Variants in WWOX observed in about 807,000 individuals in gnomAD.
The protein encoded by WWOX is WW domain containing oxidoreductase.
A neutral mutation model predicts 46.2 loss-of-function variants in WWOX; 69 were observed. The ratio of observed to expected loss-of-function variants is 1.49; its 90% CI spans 1.23 to 1.82. WWOX has a LOEUF of 1.82. Ranked by LOEUF, WWOX falls within the 40% of genes most tolerant of loss-of-function variation. The pLI is 0.00. For missense variants in WWOX, 919 were observed against 542.6 expected, an observed-to-expected ratio of 1.69 and a Z score of -6.89; for synonymous variants, 359 against 202.6, an observed-to-expected ratio of 1.77 and a Z score of -6.56.
At chr16:78,677,745 G>T (rs1024850870) in intron 8 of WWOX, among the ~76,000 whole-genome samples, 1 of 152,184 alleles carries the variant, frequency 6.6e-6, no homozygotes, top group South Asian at 2.1e-4. Context: ...CATAGGATAT[G>T]TCCAGAAAAC....
intron 5 of WWOX, among the ~76,000 whole-genome samples, chr16:78,311,304 T>G (rs1229926697): frequency 3.3e-5 from 5 of 152,138 alleles, no homozygotes; most frequent in Non-Finnish European, 7.4e-5. Flanking sequence ...ATAAACAAAT[T>G]CCTTTCTTGA....
rs181402163 is a variant in WWOX, at chr16:78,736,220, C to G, written c.1056+303468C>G. 2.2e-3 allele frequency among the ~76,000 whole-genome samples: 340 copies of G among 152,286 alleles called. 2 individuals carry two copies. The highest frequency in any genetic ancestry group is 7.7e-3 in the African/African-American group (322 of 41,574). ...GGGGGCTCTGGAATAAAAATCACAC[C>G]TCAAACTTGACCCGCTTGAGGCCAG... is the stretch of plus-strand genomic sequence containing the variant. On this transcript the variant is annotated intron_variant, in intron 8 of 8. Transcript: ENST00000566780.
rs114928863 is a variant in WWOX at position 78,609,082 on chromosome 16, C to T, written c.1056+176330C>T. Among the ~76,000 whole-genome samples the T allele has an allele frequency of 9.8e-3, 1,487 of 152,124 alleles. 26 individuals are homozygous for T. The highest frequency in any genetic ancestry group is 0.034 in the African/African-American group (1,432 of 41,512). ...TAGTTATTAAACAGTATGTCAAATACCTTTCTGTCCCACCAGATTTATTTT... is the reference window on the plus strand; with the variant it reads ...TAGTTATTAAACAGTATGTCAAATATCTTTCTGTCCCACCAGATTTATTTT... On this transcript the variant is annotated intron_variant, in intron 8 of 8. Transcript: ENST00000566780.
intron 6 of WWOX, among the ~76,000 whole-genome samples, chr16:78,409,981 G>A (rs1483189859): frequency 6.6e-6 from 1 of 152,188 alleles, no homozygotes; most frequent in African/African-American, 2.4e-5. Context: ...ATGCCATGTT[G>A]AAACATAATC....
intron 8 of WWOX, among the ~76,000 whole-genome samples, chr16:78,566,713 A>T (rs1017146241): frequency 2.6e-5 from 4 of 152,160 alleles, no homozygotes; most frequent in African/African-American, 7.2e-5. Context: ...TTTTAGTGAC[A>T]CCAAAGTGGG....
intron 8 of WWOX, among the ~76,000 whole-genome samples, chr16:79,208,455 C>A (rs1264587690): frequency 6.6e-6 from 1 of 151,952 alleles, no homozygotes; most frequent in African/African-American, 2.4e-5. Context: ...TTATTTATCA[C>A]AATGGATCAG....
At chr16:78,694,356 C>A (rs981170237) in intron 8 of WWOX, among the ~76,000 whole-genome samples, 10 of 152,180 alleles carry the variant, frequency 6.6e-5, no homozygotes, top group Non-Finnish European at 8.8e-5. Flanking sequence ...TCTGCAAATA[C>A]TTGACAAAAA....
At chr16:78,698,351 G>C (rs62036135) in intron 8 of WWOX, among the ~76,000 whole-genome samples, 12 of 151,814 alleles carry the variant, frequency 7.9e-5, no homozygotes, top group Non-Finnish European at 1.3e-4. Context: ...GGATTTTTGG[G>C]GTATCTTCCA....
intron 8 of WWOX, among the ~76,000 whole-genome samples, chr16:78,547,990 A>G (rs561872326): frequency 1.2e-4 from 19 of 152,014 alleles, no homozygotes; most frequent in Non-Finnish European, 1.9e-4. Flanking sequence ...CGTCTTTTCT[A>G]AAAACATTTT....
chr16:78,568,474 CTTTTT>C (rs200073404), intron 8 of WWOX, among the ~76,000 whole-genome samples: 2 of 133,384 alleles, frequency 1.5e-5, no homozygotes, highest in Non-Finnish European at 1.6e-5. Context: ...AAGCTTCCAA[CTTTTT>C]TTTTTTTTTT....
At chr16:78,261,354 A>G (rs905650894) in intron 5 of WWOX, among the ~76,000 whole-genome samples, 9 of 151,000 alleles carry the variant, frequency 6.0e-5, no homozygotes, top group Non-Finnish European at 1.0e-4. Flanking sequence ...ATGGTAAGCT[A>G]TGATTGCACC....
chr16:78,714,989 A>G (rs2048528254), intron 8 of WWOX, among the ~76,000 whole-genome samples: 1 of 152,174 alleles, frequency 6.6e-6, no homozygotes, highest in African/African-American at 2.4e-5. Flanking sequence ...TGCTCGGTAG[A>G]GAATGGATTG....
intron 5 of WWOX, among the ~76,000 whole-genome samples, chr16:78,188,420 G>A (rs557560013): frequency 7.9e-5 from 12 of 151,600 alleles, no homozygotes; most frequent in African/African-American, 2.7e-4. Context: ...CCCAGGAGGC[G>A]GAGATTGCAG....
chr16:79,037,138 G>A (rs922649112), intron 8 of WWOX, among the ~76,000 whole-genome samples: 1 of 152,150 alleles, frequency 6.6e-6, no homozygotes, highest in Admixed American at 6.6e-5. Context: ...TCAAGGAAGG[G>A]AGAGGAGCAC....
intron 8 of WWOX, among the ~76,000 whole-genome samples, chr16:78,680,844 C>T (rs1168394319): frequency 6.6e-6 from 1 of 152,232 alleles, no homozygotes; most frequent in East Asian, 1.9e-4. Context: ...GGCATGGTGG[C>T]TCATGCCTGT....
Position 79,211,665 on chromosome 16 carries a change from G to T in WWOX, c.1114G>T (p.Gly372Ter), listed in dbSNP as rs587777127. ...TGCTGTCCCAGAACTGGAGGGTCTG[G>T]GAGGGATGTACTTCAACAACTGCTG... The part of the protein sequence containing the change: ...CAAVPELEGL[G>*]GMYFNNCCRC... The change falls in exon 9 of 9, where the codon GGA (glycine) becomes TGA (stop). Residue 372 changes from glycine to a stop codon, truncating the protein, a stop_gained. Coordinates refer to ENST00000566780, the MANE Select transcript of WWOX (RefSeq NM_016373.4). LOFTEE classifies it high-confidence loss of function. 2 of 1,614,190 alleles carry T rather than the reference G, an allele frequency of 1.2e-6. No homozygotes were observed. Among genetic ancestry groups the T allele is most frequent in the Admixed American group, 1.7e-5 (1 of 60,020 alleles).
At chr16:78,870,945 C>G (rs1277233547) in intron 8 of WWOX, among the ~76,000 whole-genome samples, 2 of 152,172 alleles carry the variant, frequency 1.3e-5, no homozygotes, top group Non-Finnish European at 2.9e-5. Flanking sequence ...CTGCCTGATT[C>G]TGGTTTACCA....
At chr16:78,998,524 G>A (rs550764886) in intron 8 of WWOX, among the ~76,000 whole-genome samples, 2 of 152,304 alleles carry the variant, frequency 1.3e-5, no homozygotes, top group African/African-American at 4.8e-5. Flanking sequence ...AAGTCATTCT[G>A]TGTTCAAATC....
chr16:78,465,199 C>G (rs191899631), intron 8 of WWOX, among the ~76,000 whole-genome samples: 47 of 152,326 alleles, frequency 3.1e-4, no homozygotes, highest in Non-Finnish European at 5.0e-4. Context: ...GGTGGGGACA[C>G]AGACAAATTG....
Sources: gnomAD v4.1 joint callset for allele counts (sites outside exome capture counted in the v4.1 genomes callset) on GRCh38, gnomAD v4.1.1 for gene constraint, MANE v1.5 for transcripts, NCBI Gene and HGNC (gene_info 2026-07-23, HGNC 2026-07-21) for gene names.